ZFAT: variants seen among roughly 807,000 people sequenced by gnomAD.
ZFAT encodes zinc finger protein ZFAT.
ZFAT carries 64 observed loss-of-function variants against 117.7 expected under a neutral mutation model. That is an observed-to-expected ratio of 0.54 (90% CI 0.44 to 0.67). ZFAT has a LOEUF of 0.67. Ranked by LOEUF, ZFAT falls within the 30% of genes least tolerant of loss-of-function variation. The pLI is 0.00. For synonymous variants in ZFAT, 679 were observed against 615.0 expected (o/e 1.10, Z -1.54); for missense variants, 1,433 against 1,584.5 (o/e 0.90, Z 1.62).
the ZFAT span, among the ~76,000 whole-genome samples, chr8:134,824,815 T>G: frequency 1.3e-5 from 2 of 152,202 alleles, no homozygotes; most frequent in Non-Finnish European, 2.9e-5. Flanking sequence ...GTTAAAACTA[T>G]CATTTAAATG....
chr8:134,826,904 T>C, the ZFAT span, among the ~76,000 whole-genome samples: 2 of 152,138 alleles, frequency 1.3e-5, no homozygotes, highest in Non-Finnish European at 2.9e-5. Flanking sequence ...ACGCTATAGG[T>C]AAGATGATCC....
the ZFAT span, among the ~76,000 whole-genome samples, chr8:134,747,894 G>A: frequency 6.6e-6 from 1 of 152,166 alleles, no homozygotes; most frequent in Admixed American, 6.5e-5. Context: ...AGCCACCTGG[G>A]CTTTGGTCTT....
At chr8:134,485,152 C>T (rs1817578431) in intron 15 of ZFAT, among the ~76,000 whole-genome samples, 1 of 152,164 alleles carries the variant, frequency 6.6e-6, no homozygotes, top group African/African-American at 2.4e-5. Context: ...AAGAGGCAGA[C>T]TCAGGGGAGG....
At chr8:134,818,948 A>C in the ZFAT span, among the ~76,000 whole-genome samples, 1 of 152,218 alleles carries the variant, frequency 6.6e-6, no homozygotes, top group Non-Finnish European at 1.5e-5. Flanking sequence ...GGACATCAGA[A>C]AACTTTTGGG....
At chr8:134,691,355 G>C (rs1298832765) in intron 1 of ZFAT, among the ~76,000 whole-genome samples, 2 of 62,400 alleles carry the variant, frequency 3.2e-5, no homozygotes, top group Non-Finnish European at 6.9e-5. Flanking sequence ...CGGGGCTCAG[G>C]TGGTGGCCAG....
rs1826207572 is a variant in ZFAT, at chr8:134,588,277, T to G, written c.2682A>C (p.Ser894=). The stretch of plus-strand genomic sequence containing the variant: ...GAGCCCAAATATGACGCTGAAGGTC[T>G]GAGCCATTCTTCATGAAATAAAAGT... ...YCDFYFMKNG[S]DLQRHIWAHE... Residue 894 remains serine (S), a synonymous_variant, in exon 9 of 16, where the codon TCA becomes TCC. Coordinates refer to ENST00000377838, the MANE Select transcript of ZFAT (RefSeq NM_020863.4). 1.3e-6 allele frequency: 2 copies of G among 1,573,938 alleles called. No individual in the cohort carries two copies. The highest frequency in any genetic ancestry group is 3.7e-5 in the Admixed American group (2 of 54,756).
At chr8:134,491,671 T>C (rs1818066060) in intron 15 of ZFAT, among the ~76,000 whole-genome samples, 1 of 152,216 alleles carries the variant, frequency 6.6e-6, no homozygotes, top group East Asian at 1.9e-4. Context: ...TGGTGGAGTC[T>C]TTCTTACGAT....
chr8:134,504,919 T>C (rs1462339561), intron 15 of ZFAT, among the ~76,000 whole-genome samples: 3 of 152,000 alleles, frequency 2.0e-5, no homozygotes, highest in African/African-American at 7.2e-5. Flanking sequence ...GCTCCCACCC[T>C]ACACTCACAA....
At chr8:134,538,129 A>T (rs1821974355) in intron 11 of ZFAT, among the ~76,000 whole-genome samples, 1 of 152,212 alleles carries the variant, frequency 6.6e-6, no homozygotes, top group Admixed American at 6.5e-5. Flanking sequence ...TGAGAAGAGA[A>T]GCAGGATTGG....
At chr8:134,509,443 C>T (rs1477538416) in intron 15 of ZFAT, among the ~76,000 whole-genome samples, 176 bp downstream of exon 15, 1 of 151,708 alleles carries the variant, frequency 6.6e-6, no homozygotes, top group Non-Finnish European at 1.5e-5. Context: ...ACATATAGAG[C>T]TATTGAAGAA....
chr8:134,612,963 T>C (rs372902175), intron 3 of ZFAT, among the ~76,000 whole-genome samples: 2 of 152,226 alleles, frequency 1.3e-5, no homozygotes, highest in African/African-American at 4.8e-5. Flanking sequence ...TTAGTGCCTA[T>C]AATAAAAACA....
intron 15 of ZFAT, among the ~76,000 whole-genome samples, chr8:134,487,737 G>A (rs1174227830): frequency 1.3e-5 from 2 of 152,116 alleles, no homozygotes; most frequent in Non-Finnish European, 2.9e-5. Context: ...TCACGTCCAT[G>A]CCCTCTCCTC....
At chr8:134,594,740 G>A (rs1383965613) in intron 7 of ZFAT, 2 of 152,074 alleles carry the variant, frequency 1.3e-5, no homozygotes, top group African/African-American at 4.8e-5. Context: ...CATTTCCAGG[G>A]GATTTGTTAG....
At chr8:134,612,461 A>G (rs1347682518) in intron 3 of ZFAT, among the ~76,000 whole-genome samples, 1 of 152,214 alleles carries the variant, frequency 6.6e-6, no homozygotes, top group East Asian at 1.9e-4. Flanking sequence ...AAAATGGAGG[A>G]GTATTCTTTC....
intron 2 of ZFAT, among the ~76,000 whole-genome samples, chr8:134,646,060 T>C (rs1020732911): frequency 5.3e-5 from 8 of 151,196 alleles, no homozygotes; most frequent in Middle Eastern, 3.4e-3. Context: ...AATAGAAAAA[T>C]TAGCCGGGCG....
At chr8:134,479,768 C>A (rs1045943982) in intron 15 of ZFAT, among the ~76,000 whole-genome samples, 8 of 152,096 alleles carry the variant, frequency 5.3e-5, no homozygotes, top group African/African-American at 1.9e-4. Flanking sequence ...ATCAATTCCA[C>A]CATTTATAAG....
upstream of ZFAT, among the ~76,000 whole-genome samples, chr8:134,714,387 C>G (rs917779096): frequency 6.6e-6 from 1 of 152,064 alleles, no homozygotes; most frequent in African/African-American, 2.4e-5. Flanking sequence ...CCTGAGCAGC[C>G]CTTATAGGTC....
the ZFAT span, among the ~76,000 whole-genome samples, chr8:134,760,122 G>T: frequency 2.0e-5 from 3 of 151,406 alleles, no homozygotes. Context: ...CAAAAAATTA[G>T]CTGGGCGCAG....
the ZFAT span, among the ~76,000 whole-genome samples, chr8:134,769,290 T>TG: frequency 6.6e-6 from 1 of 152,136 alleles, no homozygotes; most frequent in African/African-American, 2.4e-5. Context: ...CTAGATTCAA[T>TG]GGGGGTATAG....
Sources: gnomAD v4.1 joint callset for allele counts (sites outside exome capture counted in the v4.1 genomes callset) on GRCh38, gnomAD v4.1.1 for gene constraint, MANE v1.5 for transcripts, NCBI Gene and HGNC (gene_info 2026-07-23, HGNC 2026-07-21) for gene names.